Variants in HSF5 observed in about 807,000 individuals in gnomAD.
The protein encoded by HSF5 is heat shock transcription factor 5, also known as heat shock factor protein 5.
Under a neutral mutation model 50.8 loss-of-function variants are expected in HSF5, and 5 were observed. The ratio of observed to expected loss-of-function variants is 0.10; its 90% CI spans 0.05 to 0.21. The LOEUF (loss-of-function observed/expected upper bound fraction) is 0.21, where lower values mean the gene tolerates loss of function less well. Among genes scored for constraint, HSF5 ranks in the 10% least tolerant of loss-of-function variants. HSF5 has a pLI of 1.00. For synonymous variants in HSF5, 307 were observed against 307.4 expected (o/e 1.00, Z 0.02); for missense variants, 564 against 762.6 (o/e 0.74, Z 3.07).
intron 5 of HSF5, among the ~76,000 whole-genome samples, chr17:58,452,443 A>C (rs955875650): frequency 4.6e-5 from 7 of 152,246 alleles, no homozygotes; most frequent in African/African-American, 1.7e-4. Flanking sequence ...AAAATGTATC[A>C]AGGTTGAATC....
chr17:58,453,855 G>C (rs1046129529), intron 5 of HSF5, among the ~76,000 whole-genome samples: 40 of 151,884 alleles, frequency 2.6e-4, no homozygotes, highest in Admixed American at 2.6e-3. Context: ...TTGGGAGGCC[G>C]AGGTGGGCAG....
chr17:58,480,522 T>C (rs904802116), intron 1 of HSF5, among the ~76,000 whole-genome samples: 1 of 152,180 alleles, frequency 6.6e-6, no homozygotes, highest in Non-Finnish European at 1.5e-5. Context: ...TTAAATCAAA[T>C]GTTAAATCAA....
intron 4 of HSF5, among the ~76,000 whole-genome samples, chr17:58,461,055 A>C (rs1902489528): frequency 6.6e-6 from 1 of 151,752 alleles, no homozygotes; most frequent in Non-Finnish European, 1.5e-5. Context: ...CTCTACTAAA[A>C]ATACAAAAAA....
chr17:58,448,246 GAATT>G (rs1424059459), intron 5 of HSF5, among the ~76,000 whole-genome samples: 2 of 151,426 alleles, frequency 1.3e-5, no homozygotes, highest in African/African-American at 4.9e-5. Flanking sequence ...CTATGGGACA[GAATT>G]ACAAAGAGCA....
Position 58,463,080 on chromosome 17 carries a change from G to C in HSF5, c.1244C>G (p.Ser415Cys). ...TGCAGAACATGGATTGCTGTTGTTAGAATTAGCTAAAATGTGTTGGCCTCT... is the reference window on the plus strand; with the variant it reads ...TGCAGAACATGGATTGCTGTTGTTACAATTAGCTAAAATGTGTTGGCCTCT... The part of the protein sequence containing the change: ...SYRGQHILAN[S>C]NNSNPCSASQ... Residue 415 changes from serine (S) to cysteine (C), a missense_variant, in exon 4 of 6, where the codon TCT (serine) becomes TGT (cysteine). Coordinates refer to ENST00000323777, the MANE Select transcript of HSF5 (RefSeq NM_001080439.3). 1 of 1,614,202 alleles carries C rather than the reference G, an allele frequency of 6.2e-7. No individual in the cohort carries two copies. The highest frequency in any genetic ancestry group is 8.5e-7 in the Non-Finnish European group (1 of 1,180,038).
chr17:58,473,472 T>C (rs1974974672), intron 2 of HSF5, among the ~76,000 whole-genome samples: 1 of 152,082 alleles, frequency 6.6e-6, no homozygotes, highest in Admixed American at 6.5e-5. Flanking sequence ...AATTAAAAGG[T>C]TTAAAATGAA....
intron 4 of HSF5, among the ~76,000 whole-genome samples, chr17:58,462,545 C>G (rs1974807713): frequency 6.6e-6 from 1 of 152,142 alleles, no homozygotes; most frequent in Non-Finnish European, 1.5e-5. Context: ...ATTAGACAAC[C>G]TCTCTTTAGA....
intron 2 of HSF5, chr17:58,476,376 G>A (rs1975012102): frequency 5.7e-6 from 6 of 1,059,902 alleles, no homozygotes; most frequent in Non-Finnish European, 8.8e-6. Context: ...CAGTAAATCA[G>A]GTAAAGAAGC....
chr17:58,479,431 T>C (rs1271401717), intron 2 of HSF5, among the ~76,000 whole-genome samples: 1 of 151,952 alleles, frequency 6.6e-6, no homozygotes, highest in Non-Finnish European at 1.5e-5. Flanking sequence ...GCCTCCTGAG[T>C]AGCTGGGATT....
chr17:58,446,137 CA>C (rs575406434), intron 5 of HSF5, among the ~76,000 whole-genome samples: 596 of 47,800 alleles, frequency 0.012, 1 homozygote, highest in Middle Eastern at 0.049. Flanking sequence ...AACTCCATCT[CA>C]AAAAAAAAAA....
chr17:58,443,039 C>G (rs1974518257), intron 5 of HSF5, among the ~76,000 whole-genome samples: 1 of 151,962 alleles, frequency 6.6e-6, no homozygotes, highest in Admixed American at 6.6e-5. Flanking sequence ...TCCCGAGTAT[C>G]TGGGACTACA....
At chr17:58,449,499 A>C (rs1006087288) in intron 5 of HSF5, among the ~76,000 whole-genome samples, 13 of 152,044 alleles carry the variant, frequency 8.6e-5, no homozygotes, top group African/African-American at 3.1e-4. Context: ...CAGGAGTCCA[A>C]GACAAGCCTG....
At chr17:58,449,013 CTTGT>C (rs941290498) in intron 5 of HSF5, among the ~76,000 whole-genome samples, 4 of 152,232 alleles carry the variant, frequency 2.6e-5, no homozygotes, top group Middle Eastern at 6.8e-3. Context: ...TTAAGGGTTT[CTTGT>C]TTGTTTGTTT....
intron 5 of HSF5, among the ~76,000 whole-genome samples, chr17:58,452,714 G>A (rs755601983): frequency 1.3e-5 from 2 of 152,236 alleles, no homozygotes; most frequent in East Asian, 1.9e-4. Context: ...CTGCCCAGCG[G>A]CCGCACCATC....
At chr17:58,465,329 T>C (rs1231302151) in intron 3 of HSF5, among the ~76,000 whole-genome samples, 13 of 151,904 alleles carry the variant, frequency 8.6e-5, no homozygotes, top group South Asian at 2.1e-4. Context: ...GGCCATATAT[T>C]GTCTCTATAA....
chr17:58,462,431 T>C (rs2531728), intron 4 of HSF5, among the ~76,000 whole-genome samples: 23,337 of 152,152 alleles, frequency 0.15, 2,133 homozygotes, highest in Non-Finnish European at 0.22. Flanking sequence ...TCCTGGGTAA[T>C]AGAATTATCA....
chr17:58,465,781 A>G (rs1312666231), intron 3 of HSF5, among the ~76,000 whole-genome samples: 1 of 152,202 alleles, frequency 6.6e-6, no homozygotes, highest in South Asian at 2.1e-4. Flanking sequence ...TAAAAATACA[A>G]AGCATGGAAT....
At chr17:58,434,888 T>C (rs1974406896) in intron 5 of HSF5, among the ~76,000 whole-genome samples, 2 of 152,104 alleles carry the variant, frequency 1.3e-5, no homozygotes, top group South Asian at 2.1e-4. Flanking sequence ...AATGTGATTA[T>C]TGAAGAGTAA....
chr17:58,431,909 T>A (rs1207267719), intron 5 of HSF5, among the ~76,000 whole-genome samples: 3 of 152,196 alleles, frequency 2.0e-5, no homozygotes, highest in Admixed American at 1.3e-4. Flanking sequence ...GAAAGTAGAA[T>A]GGTGGCTACC....
Sources: gnomAD v4.1 joint callset for allele counts (sites outside exome capture counted in the v4.1 genomes callset) on GRCh38, gnomAD v4.1.1 for gene constraint, MANE v1.5 for transcripts, NCBI Gene and HGNC (gene_info 2026-07-23, HGNC 2026-07-21) for gene names.